DCC: variants seen among roughly 807,000 people sequenced by gnomAD.
The protein encoded by DCC is netrin receptor DCC.
DCC carries 58 observed loss-of-function variants against 172.5 expected under a neutral mutation model. That is an observed-to-expected ratio of 0.34 (90% CI 0.27 to 0.42). The LOEUF (loss-of-function observed/expected upper bound fraction) is 0.42. Among genes scored for constraint, DCC ranks in the 10% least tolerant of loss-of-function variants. The pLI, the probability that DCC is intolerant of heterozygous loss-of-function variation, is 1.00. For missense variants in DCC, 1,740 were observed against 1,791.0 expected, an observed-to-expected ratio of 0.97 and a Z score of 0.51; for synonymous variants, 709 against 644.5, an observed-to-expected ratio of 1.10 and a Z score of -1.52.
intron 15 of DCC, among the ~76,000 whole-genome samples, chr18:53,383,770 CT>C (rs1907941144): frequency 1.3e-5 from 2 of 151,760 alleles, no homozygotes; most frequent in South Asian, 2.1e-4. Context: ...GGAACACAGA[CT>C]TTATTTAACC....
At chr18:53,161,788 T>C (rs2054843498) in intron 8 of DCC, among the ~76,000 whole-genome samples, 1 of 152,190 alleles carries the variant, frequency 6.6e-6, no homozygotes, top group Non-Finnish European at 1.5e-5. Flanking sequence ...TTTTAATTCT[T>C]ATTATGAAAT....
rs1292386121 is a variant in DCC, at chr18:53,427,959, A to T, written c.3164-7185A>T. 1.1e-4 allele frequency among the ~76,000 whole-genome samples: 5 copies of T among 46,476 alleles called. 1 individual carries two copies. The highest frequency in any genetic ancestry group is 2.7e-4 in the Admixed American group (1 of 3,666). 30.5% of individuals were successfully genotyped at this position (46,476 alleles called of 152,430 possible). A position where few individuals can be genotyped will look rare whatever the true frequency, so the allele number is the denominator to read the frequency against. On this transcript the variant is annotated intron_variant, in intron 21 of 28. Coordinates refer to ENST00000442544, the MANE Select transcript of DCC (RefSeq NM_005215.4). Reference sequence around the variant, plus strand: ...TATAATATATTATAATATATAATATAATAATATAATATATAATATAATATA... The same window carrying T: ...TATAATATATTATAATATATAATATTATAATATAATATATAATATAATATA...
intron 13 of DCC, among the ~76,000 whole-genome samples, chr18:53,318,719 A>G (rs1384031718): frequency 6.8e-6 from 1 of 146,130 alleles, no homozygotes; most frequent in Non-Finnish European, 1.5e-5. Context: ...TTCATTGATC[A>G]CTTTACCATT....
intron 1 of DCC, among the ~76,000 whole-genome samples, chr18:52,609,846 C>T (rs2034213904): frequency 6.6e-6 from 1 of 151,512 alleles, no homozygotes; most frequent in Admixed American, 6.6e-5. Context: ...ACAAGAAAAG[C>T]CCATAAAACA....
intron 1 of DCC, among the ~76,000 whole-genome samples, chr18:52,630,543 C>G (rs2034655443): frequency 6.6e-6 from 1 of 152,116 alleles, no homozygotes. Context: ...TAGTAAGATA[C>G]ATGGTAAATG....
At chr18:52,796,717 C>G (rs544667569) in intron 2 of DCC, among the ~76,000 whole-genome samples, 1 of 152,086 alleles carries the variant, frequency 6.6e-6, no homozygotes, top group Non-Finnish European at 1.5e-5. Flanking sequence ...TTTTATGTGA[C>G]TTGATGCTTT....
chr18:52,630,639 G>A (rs1404992578), intron 1 of DCC, among the ~76,000 whole-genome samples: 1 of 152,086 alleles, frequency 6.6e-6, no homozygotes, highest in Non-Finnish European at 1.5e-5. Context: ...AGACCTTTAT[G>A]ACGGTGAGAT....
intron 5 of DCC, among the ~76,000 whole-genome samples, chr18:53,019,668 A>AT (rs1333839405): frequency 6.6e-6 from 1 of 152,066 alleles, no homozygotes; most frequent in Non-Finnish European, 1.5e-5. Context: ...AGTTTATCTG[A>AT]TTTTTTAGAC....
At chr18:53,201,564 T>C (rs2144539235) in intron 9 of DCC, among the ~76,000 whole-genome samples, 1 of 152,308 alleles carries the variant, frequency 6.6e-6, no homozygotes, top group Middle Eastern at 3.4e-3. Flanking sequence ...ATATCAATAA[T>C]AGTATAAGCA....
rs137901791 is a variant in DCC at position 52,362,498 on chromosome 18, A to T, written c.91+21620A>T. Among the ~76,000 whole-genome samples, 96 of 152,346 alleles carry T rather than the reference A, an allele frequency of 6.3e-4. 1 individual carries two copies. In the East Asian group the frequency reaches 0.015, roughly 24 times the overall value. ...TCCAATTTGCATCAAGTAATCTTTC[A>T]TAAGTTTGTAAGGGGAAGATAAGGG... On this transcript the variant is annotated intron_variant, in intron 1 of 28. Coordinates refer to ENST00000442544, the MANE Select transcript of DCC (RefSeq NM_005215.4).
chr18:53,382,158 T>C lies in DCC; in HGVS notation c.2360-3885T>C, dbSNP rs548381370. ...AATTTCTGATCACTTTTTCACTCTTTTGATAAACACTTAGATAGATGCAAA... is the reference window on the plus strand; with the variant it reads ...AATTTCTGATCACTTTTTCACTCTTCTGATAAACACTTAGATAGATGCAAA... On this transcript the variant is annotated intron_variant, in intron 15 of 28. Coordinates refer to ENST00000442544, the MANE Select transcript of DCC (RefSeq NM_005215.4). Among the ~76,000 whole-genome samples, 7 of 151,928 alleles carry C rather than the reference T, an allele frequency of 4.6e-5. No homozygotes were observed. In the South Asian group the frequency reaches 1.5e-3, roughly 32 times the overall value.
chr18:52,717,945 A>G (rs1568061194), intron 1 of DCC, among the ~76,000 whole-genome samples: 1 of 151,832 alleles, frequency 6.6e-6, no homozygotes, highest in Non-Finnish European at 1.5e-5. Context: ...TTTACCTCAC[A>G]CACAAAAGAA....
chr18:52,872,448 G>A (rs368705337), intron 2 of DCC, among the ~76,000 whole-genome samples: 7 of 152,172 alleles, frequency 4.6e-5, no homozygotes, highest in Non-Finnish European at 7.4e-5. Context: ...TCTTCTCTAC[G>A]AATGCCGATC....
intron 2 of DCC, among the ~76,000 whole-genome samples, chr18:52,807,930 C>T (rs2038118385): frequency 6.6e-6 from 1 of 152,152 alleles, no homozygotes; most frequent in South Asian, 2.1e-4. Context: ...GTCGTTTGGT[C>T]CAGGGAACTG....
At chr18:53,107,361 CT>C (rs2043264436) in intron 7 of DCC, among the ~76,000 whole-genome samples, 1 of 151,690 alleles carries the variant, frequency 6.6e-6, no homozygotes, top group Admixed American at 6.6e-5. Context: ...CTTCTACTGT[CT>C]TTTATGTTCT....
rs555530811 is a variant in DCC, at chr18:52,597,184, T to C, written c.92-154870T>C. ...TGCAGAAGGTGTCTTTGAAACGGCC[T>C]ATAAAATTGTGAGCAAATGAAGTTT... is the stretch of plus-strand genomic sequence containing the variant. On this transcript the variant is annotated intron_variant, in intron 1 of 28. Transcript: ENST00000442544. Among the ~76,000 whole-genome samples the C allele has an allele frequency of 4.6e-5, 7 of 152,324 alleles. No individual in the cohort carries two copies. In the East Asian group the frequency reaches 1.2e-3, roughly 25 times the overall value.
intron 8 of DCC, among the ~76,000 whole-genome samples, 177 bp downstream of exon 8, chr18:53,157,689 C>T (rs952536527): frequency 1.3e-5 from 2 of 152,116 alleles, no homozygotes; most frequent in Non-Finnish European, 2.9e-5. Flanking sequence ...GTGTTGTTGA[C>T]ACAGTCTAAT....
At chr18:52,690,492 A>T (rs2035914582) in intron 1 of DCC, among the ~76,000 whole-genome samples, 1 of 152,176 alleles carries the variant, frequency 6.6e-6, no homozygotes, top group East Asian at 1.9e-4. Flanking sequence ...AATTACAGAA[A>T]TGAAATAGTT....
chr18:53,308,141 CT>C (rs2057224963), intron 13 of DCC, among the ~76,000 whole-genome samples: 1 of 150,842 alleles, frequency 6.6e-6, no homozygotes, highest in African/African-American at 2.4e-5. Context: ...TTTTGAAAAC[CT>C]AAATATCCAA....
Sources: gnomAD v4.1 joint callset for allele counts (sites outside exome capture counted in the v4.1 genomes callset) on GRCh38, gnomAD v4.1.1 for gene constraint, MANE v1.5 for transcripts, NCBI Gene and HGNC (gene_info 2026-07-23, HGNC 2026-07-21) for gene names.